Variants in SLC2A9 observed in about 807,000 individuals in gnomAD.
SLC2A9 encodes solute carrier family 2 member 9.
In SLC2A9, 39 loss-of-function variants were observed where a neutral mutation model predicts 50.6. The observed-to-expected ratio is 0.77, with a 90% CI of 0.60 to 1.01. The LOEUF (loss-of-function observed/expected upper bound fraction) is 1.01, where lower values mean the gene tolerates loss of function less well. Among genes scored for constraint, SLC2A9 ranks in the 50% least tolerant of loss-of-function variants. The pLI is 0.00. For missense variants in SLC2A9, 686 were observed against 677.6 expected, an observed-to-expected ratio of 1.01 and a Z score of -0.14; for synonymous variants, 324 against 276.9, an observed-to-expected ratio of 1.17 and a Z score of -1.69.
chr4:9,984,661 C>T lies in SLC2A9; in HGVS notation c.535+1008G>A, dbSNP rs558824404. ...TGGATTTGCCTATTTAGAAAGAGAG[C>T]AGCGTTTGTCTGACAATATATCTTG... On this transcript the variant is annotated intron_variant, in intron 4 of 11. Coordinates refer to ENST00000264784, the MANE Select transcript of SLC2A9 (RefSeq NM_020041.3). 1.3e-5 allele frequency among the ~76,000 whole-genome samples: 2 copies of T among 152,274 alleles called. 1 individual carries two copies. The highest frequency in any genetic ancestry group is 4.1e-4 in the South Asian group (2 of 4,822).
chr4:9,920,254 TA>T, intron 7 of SLC2A9, 130 bp downstream of exon 7: 3 of 933,348 alleles, frequency 3.2e-6, no homozygotes, highest in Non-Finnish European at 5.0e-6. Context: ...CATGGTTACC[TA>T]ACAGCATAGA....
intron 1 of SLC2A9, among the ~76,000 whole-genome samples, chr4:10,030,936 T>C (rs1312698965): frequency 8.5e-6 from 1 of 117,492 alleles, no homozygotes; most frequent in Admixed American, 8.9e-5. Context: ...CAAAGCTGAG[T>C]CTTCTAAAAC....
chr4:9,805,359 G>A (rs1425990539), intron 3 of SLC2A9, among the ~76,000 whole-genome samples: 2 of 152,184 alleles, frequency 1.3e-5, no homozygotes, highest in African/African-American at 4.8e-5. Context: ...GCCCATCTGT[G>A]TTTCATTGGC....
At chr4:9,868,142 C>G (rs1732816700) in intron 10 of SLC2A9, among the ~76,000 whole-genome samples, 1 of 152,210 alleles carries the variant, frequency 6.6e-6, no homozygotes, top group Admixed American at 6.5e-5. Flanking sequence ...CCTCCAAGCC[C>G]TCTGCTATGT....
At chr4:9,778,397 G>A (rs1717862863), downstream of SLC2A9, among the ~76,000 whole-genome samples, 1 of 152,104 alleles carries the variant, frequency 6.6e-6, no homozygotes, top group African/African-American at 2.4e-5. Flanking sequence ...TGGGATTACA[G>A]GTGTGGGCCA....
At chr4:9,845,241 C>T (rs1205209576) in intron 10 of SLC2A9, among the ~76,000 whole-genome samples, 1 of 151,868 alleles carries the variant, frequency 6.6e-6, no homozygotes, top group Non-Finnish European at 1.5e-5. Context: ...TCTTGATCTC[C>T]TGACCTCGTG....
At chr4:9,925,985 G>T (rs140151357) in intron 6 of SLC2A9, among the ~76,000 whole-genome samples, 5 of 152,210 alleles carry the variant, frequency 3.3e-5, no homozygotes, top group Non-Finnish European at 1.5e-5. Context: ...TGCATCTGGG[G>T]GTGGCCCACA....
At chr4:9,818,446 C>T (rs776815358) in intron 3 of SLC2A9, among the ~76,000 whole-genome samples, 16 of 152,164 alleles carry the variant, frequency 1.1e-4, no homozygotes, top group Non-Finnish European at 2.1e-4. Flanking sequence ...ATTGCAATAG[C>T]GGAGACAGCT....
chr4:9,892,604 G>A (rs1403940776), intron 8 of SLC2A9, among the ~76,000 whole-genome samples: 2 of 152,128 alleles, frequency 1.3e-5, no homozygotes, highest in East Asian at 3.9e-4. Flanking sequence ...TTCCCCACCT[G>A]GAAAATGAGA....
At chr4:9,860,360 G>T (rs1456662430) in intron 10 of SLC2A9, among the ~76,000 whole-genome samples, 1 of 152,244 alleles carries the variant, frequency 6.6e-6, no homozygotes, top group Non-Finnish European at 1.5e-5. Flanking sequence ...GGATTCATGA[G>T]TGGTGAAGCG....
At chr4:9,902,161 C>T (rs1739755784) in intron 8 of SLC2A9, among the ~76,000 whole-genome samples, 1 of 152,144 alleles carries the variant, frequency 6.6e-6, no homozygotes, top group African/African-American at 2.4e-5. Flanking sequence ...ATGGCAACTG[C>T]CCCCGTCTCT....
chr4:9,851,754 T>G lies in SLC2A9; in HGVS notation c.1292-16746A>C, dbSNP rs548960191. On this transcript the variant is annotated intron_variant, in intron 10 of 11. Coordinates refer to ENST00000264784, the MANE Select transcript of SLC2A9 (RefSeq NM_020041.3). ...AACTTATCTGATAGAGCTGAAAAACTCACTTCAAGAATGCATAATATAATC... is the reference window on the plus strand; with the variant it reads ...AACTTATCTGATAGAGCTGAAAAACGCACTTCAAGAATGCATAATATAATC... Among the ~76,000 whole-genome samples the G allele has an allele frequency of 2.6e-5, 4 of 152,192 alleles. No individual in the cohort carries two copies. In the South Asian group the frequency reaches 8.3e-4, roughly 32 times the overall value.
At chr4:9,983,958 TAAAATG>T (rs1756300356) in intron 4 of SLC2A9, among the ~76,000 whole-genome samples, 1 of 152,072 alleles carries the variant, frequency 6.6e-6, no homozygotes, top group Admixed American at 6.6e-5. Context: ...CCCCCATTTG[TAAAATG>T]AACATGAGAA....
At chr4:9,998,390 G>A (rs1240104962) in intron 2 of SLC2A9, among the ~76,000 whole-genome samples, 1 of 152,138 alleles carries the variant, frequency 6.6e-6, no homozygotes, top group Admixed American at 6.5e-5. Context: ...CTGCAAAATG[G>A]GAATGATGAC....
Position 9,985,667 on chromosome 4 carries a change from A to G in SLC2A9, c.535+2T>C. ...TCCCTCCCCGTCATGGTGAACTCTC[A>G]CCTCCATCTATGCCCATGATGAAGC... On this transcript the variant is annotated splice_donor_variant, in intron 4 of 11. Coordinates refer to ENST00000264784, the MANE Select transcript of SLC2A9 (RefSeq NM_020041.3). LOFTEE classifies it high-confidence loss of function. The G allele has an allele frequency of 6.2e-7, 1 of 1,613,764 alleles. No homozygotes were observed. Among genetic ancestry groups the G allele is most frequent in the South Asian group, 1.1e-5 (1 of 91,060 alleles).
intron 2 of SLC2A9, among the ~76,000 whole-genome samples, chr4:10,015,857 A>C (rs772579639): frequency 1.2e-4 from 19 of 152,160 alleles, no homozygotes; most frequent in Non-Finnish European, 2.4e-4. Flanking sequence ...TGTATTTCTG[A>C]GAATGGAATG....
intron 3 of SLC2A9, among the ~76,000 whole-genome samples, chr4:9,792,047 G>C (rs1850743): frequency 2.0e-5 from 3 of 152,082 alleles, no homozygotes; most frequent in African/African-American, 7.2e-5. Flanking sequence ...TTCAGGTTCA[G>C]AGATGCTGGG....
intron 10 of SLC2A9, among the ~76,000 whole-genome samples, chr4:9,867,964 A>G (rs548736492): frequency 1.3e-5 from 2 of 152,156 alleles, no homozygotes; most frequent in African/African-American, 2.4e-5. Flanking sequence ...GACACACTCA[A>G]TTACAGGCCT....
intron 3 of SLC2A9, among the ~76,000 whole-genome samples, chr4:9,818,653 G>A (rs1007362098): frequency 2.0e-5 from 3 of 152,260 alleles, no homozygotes; most frequent in Admixed American, 1.3e-4. Flanking sequence ...GGCCTAGTGG[G>A]GAAGAGTGCT....
Sources: gnomAD v4.1 joint callset for allele counts (sites outside exome capture counted in the v4.1 genomes callset) on GRCh38, gnomAD v4.1.1 for gene constraint, MANE v1.5 for transcripts, NCBI Gene and HGNC (gene_info 2026-07-23, HGNC 2026-07-21) for gene names.